ZCCHC2: variants seen among roughly 807,000 people sequenced by gnomAD.
The protein encoded by ZCCHC2 is zinc finger CCHC-type containing 2.
Under a neutral mutation model 103.6 loss-of-function variants are expected in ZCCHC2, and 39 were observed. The observed-to-expected ratio is 0.38, with a 90% CI of 0.29 to 0.49. ZCCHC2 has a LOEUF of 0.49. ZCCHC2 is among the 20% of genes least tolerant of loss of function. ZCCHC2 has a pLI of 0.96. For missense variants in ZCCHC2, 1,483 were observed against 1,491.0 expected, an observed-to-expected ratio of 0.99 and a Z score of 0.09; for synonymous variants, 687 against 608.9, an observed-to-expected ratio of 1.13 and a Z score of -1.89.
chr18:62,553,342 T>C (rs1915748908), intron 5 of ZCCHC2, among the ~76,000 whole-genome samples: 1 of 152,206 alleles, frequency 6.6e-6, no homozygotes, highest in Non-Finnish European at 1.5e-5. Flanking sequence ...ATAATATACC[T>C]TTTTAGCTGA....
rs1222673307 is a variant in ZCCHC2, at chr18:62,523,890, T to C, written c.466T>C (p.Ser156Pro). ...CTCGGAGGCCAAGGCCAACGGCCTC[T>C]CGGACCCGGGGCCGCTGGCCGACTT... Reference protein sequence around the residue: ...RDSEAKANGLSDPGPLADFRE... With the variant: ...RDSEAKANGLPDPGPLADFRE... The change falls in exon 1 of 14, where the codon TCG (serine) becomes CCG (proline). Residue 156 changes from serine to proline, a missense_variant. Physicochemically the swap from Ser to Pro is moderately conservative, Grantham distance 74. This residue lies in a region of ZCCHC2 where 568 missense variants were observed against 525.1 expected (regional missense o/e 1.08). Transcript: ENST00000269499. The C allele has an allele frequency of 3.2e-6, 5 of 1,541,078 alleles. No homozygotes were observed. Among genetic ancestry groups the C allele is most frequent in the Non-Finnish European group, 4.4e-6 (5 of 1,145,486 alleles).
intron 5 of ZCCHC2, among the ~76,000 whole-genome samples, chr18:62,552,819 G>T (rs1394243097): frequency 6.6e-6 from 1 of 151,594 alleles, no homozygotes; most frequent in African/African-American, 2.4e-5. Flanking sequence ...CAGCCCAGGA[G>T]CTTGAGGCCG....
Position 62,523,874 on chromosome 18 carries a change from C to T in ZCCHC2, c.450C>T (p.Ala150=). The change falls in exon 1 of 14, where the codon GCC becomes GCT. Residue 150 remains alanine, a synonymous_variant. Transcript: ENST00000269499. ...KDYHYLRDSE[A]KANGLSDPGP... ...ACCACTACCTGCGCGACTCGGAGGC[C>T]AAGGCCAACGGCCTCTCGGACCCGG... The T allele has an allele frequency of 1.3e-6, 2 of 1,543,484 alleles. No individual in the cohort carries two copies. Among genetic ancestry groups the T allele is most frequent in the Middle Eastern group, 1.9e-4 (1 of 5,362 alleles).
At chr18:62,570,633 T>C (rs1916560882) in intron 12 of ZCCHC2, among the ~76,000 whole-genome samples, 1 of 152,248 alleles carries the variant, frequency 6.6e-6, no homozygotes, top group African/African-American at 2.4e-5. Context: ...TCTTAAAGTC[T>C]ATTTTGTCTG....
chr18:62,546,809 C>T (rs550061577), intron 4 of ZCCHC2, among the ~76,000 whole-genome samples: 122 of 152,308 alleles, frequency 8.0e-4, no homozygotes, highest in African/African-American at 2.6e-3. Flanking sequence ...ACAAATACAA[C>T]TCCAAATAAG....
chr18:62,524,883 C>T (rs958942774), intron 1 of ZCCHC2: 10 of 156,166 alleles, frequency 6.4e-5, no homozygotes, highest in African/African-American at 2.2e-4. Context: ...GGCGAGCTGC[C>T]CTTGTCTTTG....
chr18:62,579,237 G>A (rs1916976661), downstream of ZCCHC2, among the ~76,000 whole-genome samples: 1 of 152,232 alleles, frequency 6.6e-6, no homozygotes, highest in Non-Finnish European at 1.5e-5. Context: ...GCCACTAAAA[G>A]TGTAAAGGAC....
rs1381117165 is a variant in ZCCHC2 at position 62,537,465 on chromosome 18, C to G, written c.940-2216C>G. ...GGATTGCAGGCGTGAGCTACCACAC[C>G]TAGCCACTATTCTACTTTCTTTATC... On this transcript the variant is annotated intron_variant, in intron 1 of 13. Transcript: ENST00000269499. Among the ~76,000 whole-genome samples, 5 of 152,348 alleles carry G rather than the reference C, an allele frequency of 3.3e-5. No individual in the cohort carries two copies. The East Asian group carries it at 9.6e-4, about 29-fold the overall frequency.
At chr18:62,532,501 G>C (rs1343149982) in intron 1 of ZCCHC2, among the ~76,000 whole-genome samples, 1 of 152,134 alleles carries the variant, frequency 6.6e-6, no homozygotes, top group Non-Finnish European at 1.5e-5. Context: ...TTTTCTTTGA[G>C]TGACTGATGG....
chr18:62,575,610 C>T, intron 13 of ZCCHC2, 60 bp downstream of exon 13: 2 of 1,539,902 alleles, frequency 1.3e-6, no homozygotes, highest in East Asian at 2.3e-5. Context: ...CCTTCCTTTC[C>T]TTATTGATCA....
Position 62,523,558 on chromosome 18 carries a change from C to CGCA in ZCCHC2, c.136_137insAGC (p.Pro45_Pro46insGln). ...CGCCGCCGCGACTGCCGCCCCCCGCCGCCGCCGCCGCCGCCCGCGGGCCCG... is the reference window on the plus strand; with the variant it reads ...CGCCGCCGCGACTGCCGCCCCCCGCCGCAGCCGCCGCCGCCGCCCGCGGGCCCG... On this transcript the variant is annotated inframe_insertion, in exon 1 of 14. Coordinates refer to ENST00000269499, the MANE Select transcript of ZCCHC2 (RefSeq NM_017742.6). The CGCA allele has an allele frequency of 1.0e-6, 1 of 954,130 alleles. No homozygotes were observed. The highest frequency in any genetic ancestry group is 1.2e-6 in the Non-Finnish European group (1 of 805,410). 59.1% of individuals were successfully genotyped at this position (954,130 alleles called of 1,614,324 possible).
At position 62,527,026 on chromosome 18, in the gene ZCCHC2, C is replaced by CACCCCG. The variant is rs1367473537; in HGVS notation, c.939+2663_939+2664insACCCCG. ...GCAGCATTTCCCCCGCCCCCCCCCC[C>CACCCCG]CCCGAAAGTAACCTTTTAGACACAA... is the stretch of plus-strand genomic sequence containing the variant. On this transcript the variant is annotated intron_variant, in intron 1 of 13. Transcript: ENST00000269499. 8.2e-5 allele frequency: 3 copies of CACCCCG among 36,520 alleles called. No individual in the cohort carries two copies. In the South Asian group the frequency reaches 6.4e-3, roughly 77 times the overall value. The allele number at this position is 36,520 out of a possible 1,614,324, so 2.3% of individuals were successfully genotyped here.
In ZCCHC2 at chr18:62,564,533, A is replaced by C. The variant is rs748555346; in HGVS notation, c.1687-38A>C. The stretch of plus-strand genomic sequence containing the variant: ...GAGAGTAAAAACGTCAAAATGGTTT[A>C]GCTTTTGTCTGATTTGTCTTTTTAT... On this transcript the variant is annotated intron_variant, in intron 9 of 13. Coordinates refer to ENST00000269499, the MANE Select transcript of ZCCHC2 (RefSeq NM_017742.6). 2.1e-6 allele frequency: 3 copies of C among 1,417,176 alleles called. No individual in the cohort carries two copies. In the Admixed American group the frequency reaches 7.3e-5, roughly 35 times the overall value. The allele number at this position is 1,417,176 out of a possible 1,614,324, so 87.8% of individuals were successfully genotyped here.
At chr18:62,564,329 A>G (rs531369466) in intron 9 of ZCCHC2, among the ~76,000 whole-genome samples, 6 of 152,194 alleles carry the variant, frequency 3.9e-5, no homozygotes, top group Non-Finnish European at 8.8e-5. Flanking sequence ...AGAAAAAAGA[A>G]TGTAGGTCCA....
rs1370754258 is a variant in ZCCHC2 at position 62,523,229 on chromosome 18, G to C, written c.-196G>C. On this transcript the variant is annotated 5_prime_UTR_variant, in exon 1 of 14. Transcript: ENST00000269499. ...GCGGGCACGCCCCGCCCCCAGCCCGGGAAGACGACGCCAGCGACCCCGCCG... is the reference window on the plus strand; with the variant it reads ...GCGGGCACGCCCCGCCCCCAGCCCGCGAAGACGACGCCAGCGACCCCGCCG... The C allele has an allele frequency of 3.5e-6, 1 of 282,368 alleles. No homozygotes were observed. Among genetic ancestry groups the C allele is most frequent in the Non-Finnish European group, 5.3e-6 (1 of 187,664 alleles). 17.5% of individuals were successfully genotyped at this position (282,368 alleles called of 1,614,324 possible).
intron 12 of ZCCHC2, 27 bp from the exon 13 acceptor site, chr18:62,574,030 A>G (rs1916697634): frequency 6.3e-7 from 1 of 1,591,154 alleles, no homozygotes; most frequent in Non-Finnish European, 8.6e-7. Flanking sequence ...GCCCGTGTTA[A>G]TATCTCTTTA....
chr18:62,547,138 A>G (rs941699305), intron 4 of ZCCHC2, among the ~76,000 whole-genome samples: 1 of 152,092 alleles, frequency 6.6e-6, no homozygotes, highest in Non-Finnish European at 1.5e-5. Context: ...CAGCCTGACC[A>G]ACATGGTGAA....
intron 5 of ZCCHC2, among the ~76,000 whole-genome samples, chr18:62,553,869 G>A (rs1010767572): frequency 1.3e-5 from 2 of 152,108 alleles, no homozygotes; most frequent in Admixed American, 6.5e-5. Flanking sequence ...AGAGTTACTT[G>A]TTAGATAAAG....
downstream of ZCCHC2, among the ~76,000 whole-genome samples, chr18:62,582,057 A>T (rs994306753): frequency 6.6e-6 from 1 of 152,384 alleles, no homozygotes; most frequent in East Asian, 1.9e-4. Flanking sequence ...AGGGAAAATT[A>T]TAAAAGAGTT....
Sources: gnomAD v4.1 joint callset for allele counts (sites outside exome capture counted in the v4.1 genomes callset) on GRCh38, gnomAD v4.1.1 for gene constraint, gnomAD v4.1.1 regional missense constraint, MANE v1.5 for transcripts, NCBI Gene and HGNC (gene_info 2026-07-23, HGNC 2026-07-21) for gene names.